Variants in FSIP1 observed in about 807,000 individuals in gnomAD.
FSIP1 encodes fibrous sheath interacting protein 1.
A neutral mutation model predicts 60.9 loss-of-function variants in FSIP1; 65 were observed. The observed-to-expected ratio is 1.07, with a 90% CI of 0.87 to 1.31. The LOEUF (loss-of-function observed/expected upper bound fraction) is 1.31. Among genes scored for constraint, FSIP1 ranks in the 40% most tolerant of loss-of-function variants. The pLI is 0.00. For synonymous variants in FSIP1, 209 were observed against 221.2 expected (o/e 0.94, Z 0.49); for missense variants, 675 against 665.5 (o/e 1.01, Z -0.16).
chr15:39,762,903 T>C (rs557690898), intron 5 of FSIP1, among the ~76,000 whole-genome samples: 65 of 152,288 alleles, frequency 4.3e-4, no homozygotes, highest in African/African-American at 1.5e-3. Context: ...ACATCTATTA[T>C]TGACAGGTAA....
intron 10 of FSIP1, among the ~76,000 whole-genome samples, chr15:39,680,264 G>T (rs1177598257): frequency 2.0e-5 from 3 of 152,172 alleles, no homozygotes; most frequent in Non-Finnish European, 4.4e-5. Flanking sequence ...AAAAGTATCT[G>T]ATAAATGCAT....
At chr15:39,608,525 G>C (rs1032175634) in intron 11 of FSIP1, among the ~76,000 whole-genome samples, 2 of 152,186 alleles carry the variant, frequency 1.3e-5, no homozygotes, top group African/African-American at 4.8e-5. Flanking sequence ...AGGAGATTCA[G>C]ATACTTTCTA....
intron 10 of FSIP1, among the ~76,000 whole-genome samples, chr15:39,666,562 A>C (rs1312902555): frequency 6.6e-6 from 1 of 152,226 alleles, no homozygotes; most frequent in Non-Finnish European, 1.5e-5. Flanking sequence ...TTTCAAAATA[A>C]AACAGAATGA....
chr15:39,735,684 C>A (rs982392408), intron 8 of FSIP1, among the ~76,000 whole-genome samples: 1 of 151,924 alleles, frequency 6.6e-6, no homozygotes, highest in African/African-American at 2.4e-5. Flanking sequence ...AACTTTTTTA[C>A]TTTTAAAACT....
intron 10 of FSIP1, among the ~76,000 whole-genome samples, chr15:39,687,614 ACT>A (rs1894436230): frequency 6.6e-6 from 1 of 151,988 alleles, no homozygotes; most frequent in African/African-American, 2.4e-5. Context: ...TCACATTGTA[ACT>A]CTCTGTCTAC....
At chr15:39,707,141 C>T (rs755578697) in intron 10 of FSIP1, among the ~76,000 whole-genome samples, 2 of 152,146 alleles carry the variant, frequency 1.3e-5, no homozygotes, top group Non-Finnish European at 2.9e-5. Context: ...CCCAACCTCT[C>T]CTCACCCTTG....
intron 9 of FSIP1, among the ~76,000 whole-genome samples, chr15:39,724,044 T>C (rs189317823): frequency 6.6e-6 from 1 of 152,364 alleles, no homozygotes; most frequent in East Asian, 1.9e-4. Flanking sequence ...ATTTTTGTTT[T>C]TACATCCAAT....
At position 39,618,156 on chromosome 15, in the gene FSIP1, A is replaced by G; in HGVS notation, c.1278T>C (p.Ser426=). The change falls in exon 11 of 12, where the codon TCT becomes TCC. Residue 426 remains serine (S), a synonymous_variant. Transcript: ENST00000350221. ...ILKQKSIIKL[S]SERKKEDIED... is the part of the protein sequence containing the mutation. ...CAATGTCTTCCTTTTTTCTTTCTGAAGAAAGTTTAATGATGGATTTTTGTT... is the reference window on the plus strand; with the variant it reads ...CAATGTCTTCCTTTTTTCTTTCTGAGGAAAGTTTAATGATGGATTTTTGTT... 1 of 1,614,134 alleles carries G rather than the reference A, an allele frequency of 6.2e-7. No homozygotes were observed. Among genetic ancestry groups the G allele is most frequent in the Non-Finnish European group, 8.5e-7 (1 of 1,180,002 alleles).
chr15:39,736,502 T>A (rs549522938), intron 8 of FSIP1, among the ~76,000 whole-genome samples: 9 of 152,184 alleles, frequency 5.9e-5, no homozygotes, highest in Non-Finnish European at 1.3e-4. Context: ...CACAAAAAAA[T>A]CTGAATTTCT....
chr15:39,608,694 T>G (rs1890915821), intron 11 of FSIP1, among the ~76,000 whole-genome samples: 2 of 152,168 alleles, frequency 1.3e-5, no homozygotes, highest in South Asian at 4.1e-4. Flanking sequence ...TGCTGCTAAA[T>G]AAAAACATTA....
rs145574146 is a variant in FSIP1, at chr15:39,737,107, A to G, written c.891+984T>C. Among the ~76,000 whole-genome samples, 333 of 152,270 alleles carry G rather than the reference A, an allele frequency of 2.2e-3. 4 individuals carry two copies. The highest frequency in any genetic ancestry group is 6.8e-3 in the Middle Eastern group (2 of 294). On this transcript the variant is annotated intron_variant, in intron 8 of 11. Transcript: ENST00000350221. ...AATGCAGGGGAATAAAAGATATACA[A>G]TAGAGCTAAGTGCTTCAAGGAACAT...
chr15:39,665,611 C>CT (rs1047208529), intron 10 of FSIP1, among the ~76,000 whole-genome samples: 2 of 152,170 alleles, frequency 1.3e-5, no homozygotes, highest in Non-Finnish European at 2.9e-5. Flanking sequence ...ATTAACTACT[C>CT]TTTATCTTAC....
chr15:39,769,369 C>T (rs530282953), intron 3 of FSIP1, among the ~76,000 whole-genome samples: 8 of 151,976 alleles, frequency 5.3e-5, no homozygotes, highest in Non-Finnish European at 7.4e-5. Flanking sequence ...ATTTTCACTT[C>T]AAAGCTCAAA....
Position 39,633,091 on chromosome 15 carries a change from C to CTTTTTTTTTTTTTTTTTTTTTTTTTTTTT in FSIP1, c.1189-14847_1189-14846insAAAAAAAAAAAAAAAAAAAAAAAAAAAAA, listed in dbSNP as rs869063502. On this transcript the variant is annotated intron_variant, in intron 10 of 11. Transcript: ENST00000350221. ...AATCTTCCCCACATAGGCTATACTT[C>CTTTTTTTTTTTTTTTTTTTTTTTTTTTTT]TTTTTTTTTTTTTTTTTTTTGAGAT... Among the ~76,000 whole-genome samples, 3 of 112,870 alleles carry CTTTTTTTTTTTTTTTTTTTTTTTTTTTTT rather than the reference C, an allele frequency of 2.7e-5. 1 individual carries two copies. The highest frequency in any genetic ancestry group is 7.4e-5 in the African/African-American group (2 of 27,070). The allele number at this position is 112,870 out of a possible 152,430, so 74.0% of individuals were successfully genotyped here. A position where few individuals can be genotyped will look rare whatever the true frequency, so the allele number is the denominator to read the frequency against.
At chr15:39,643,685 T>C (rs1892469004) in intron 10 of FSIP1, among the ~76,000 whole-genome samples, 1 of 152,258 alleles carries the variant, frequency 6.6e-6, no homozygotes, top group Non-Finnish European at 1.5e-5. Flanking sequence ...TACTTCTTTC[T>C]TTTTGTAAAA....
At chr15:39,760,607 A>G (rs1463561770) in intron 5 of FSIP1, among the ~76,000 whole-genome samples, 1 of 152,188 alleles carries the variant, frequency 6.6e-6, no homozygotes, top group Non-Finnish European at 1.5e-5. Flanking sequence ...TAGCTGACCA[A>G]TACTCTCCCA....
chr15:39,597,625 T>C (rs1403368172), downstream of FSIP1: 1 of 152,188 alleles, frequency 6.6e-6, no homozygotes, highest in East Asian at 1.9e-4. Flanking sequence ...ACTGAGTTGC[T>C]CAGGCCTAGG....
At chr15:39,659,610 C>A (rs1893212842) in intron 10 of FSIP1, among the ~76,000 whole-genome samples, 1 of 116,806 alleles carries the variant, frequency 8.6e-6, no homozygotes, top group Non-Finnish European at 1.8e-5. Context: ...AATTATATCT[C>A]AATAAAGCTG....
chr15:39,689,971 T>C (rs1448785454), intron 10 of FSIP1, among the ~76,000 whole-genome samples: 2 of 152,232 alleles, frequency 1.3e-5, no homozygotes, highest in Non-Finnish European at 2.9e-5. Flanking sequence ...TGTATTAGGC[T>C]TTAATGTTGG....
Sources: gnomAD v4.1 joint callset for allele counts (sites outside exome capture counted in the v4.1 genomes callset) on GRCh38, gnomAD v4.1.1 for gene constraint, MANE v1.5 for transcripts, NCBI Gene and HGNC (gene_info 2026-07-23, HGNC 2026-07-21) for gene names.